The following ATP8B1 variants were observed in gnomAD, a reference collection of about 807,000 sequenced individuals.
ATP8B1 encodes phospholipid-transporting ATPase IC.
In ATP8B1, 80 loss-of-function variants were observed where a neutral mutation model predicts 149.9. The ratio of observed to expected loss-of-function variants is 0.53; its 90% CI spans 0.45 to 0.64. The LOEUF is 0.64. Among genes scored for constraint, ATP8B1 ranks in the 30% least tolerant of loss-of-function variants. The pLI is 0.00. For synonymous variants in ATP8B1, 536 were observed against 562.8 expected, an observed-to-expected ratio of 0.95 and a Z score of 0.67; for missense variants, 1,247 against 1,552.6, an observed-to-expected ratio of 0.80 and a Z score of 3.31.
At chr18:57,697,499 AGCAGGTG>A (rs1350553096) in intron 8 of ATP8B1, 112 bp downstream of exon 8, 2 of 1,011,768 alleles carry the variant, frequency 2.0e-6, no homozygotes, top group Admixed American at 3.4e-5. Flanking sequence ...TAGGGACAGC[AGCAGGTG>A]GCAGAGGCAA....
At chr18:57,734,316 AG>A (rs1599171382) in intron 1 of ATP8B1, among the ~76,000 whole-genome samples, 1 of 152,070 alleles carries the variant, frequency 6.6e-6, no homozygotes, top group East Asian at 1.9e-4. Context: ...CAGCCTCCTG[AG>A]TAGCTGGGAT....
chr18:57,729,158 T>A (rs1405606197), intron 2 of ATP8B1, among the ~76,000 whole-genome samples: 4 of 152,128 alleles, frequency 2.6e-5, no homozygotes, highest in Non-Finnish European at 4.4e-5. Context: ...GATGAGAGTT[T>A]CCACCCACTA....
At chr18:57,657,452 A>G (rs1057399558) in intron 22 of ATP8B1, among the ~76,000 whole-genome samples, 120 of 152,206 alleles carry the variant, frequency 7.9e-4, no homozygotes, top group African/African-American at 2.8e-3. Context: ...TCAGACCCTG[A>G]AAAGTGGCTG....
intron 1 of ATP8B1, among the ~76,000 whole-genome samples, chr18:57,768,531 A>G (rs899263216): frequency 6.6e-6 from 1 of 150,786 alleles, no homozygotes; most frequent in Non-Finnish European, 1.5e-5. Context: ...GAATTGAGGG[A>G]GGAAAACATA....
At chr18:57,768,948 G>C (rs772053125) in intron 1 of ATP8B1, among the ~76,000 whole-genome samples, 1 of 152,150 alleles carries the variant, frequency 6.6e-6, no homozygotes, top group Non-Finnish European at 1.5e-5. Context: ...TGCTCCACAA[G>C]GACTTTACCA....
chr18:57,738,573 CGCGCCA>C (rs1055989689), intron 1 of ATP8B1, among the ~76,000 whole-genome samples: 1 of 151,992 alleles, frequency 6.6e-6, no homozygotes, highest in Admixed American at 6.6e-5. Flanking sequence ...GAGCTGAGAT[CGCGCCA>C]TTGCACTCCA....
intron 1 of ATP8B1, chr18:57,737,109 T>C (rs425338): frequency 0.98 from 148,576 of 152,178 alleles, 72,623 homozygotes; most frequent in East Asian, 1. Flanking sequence ...CCACTACATC[T>C]GACTAATTTT....
intron 24 of ATP8B1, among the ~76,000 whole-genome samples, chr18:57,653,118 T>A (rs1176933892): frequency 6.6e-6 from 1 of 152,202 alleles, no homozygotes. Context: ...AAATTATTAC[T>A]TTTTAGTCTT....
intron 2 of ATP8B1, among the ~76,000 whole-genome samples, chr18:57,719,936 C>T (rs2079625431): frequency 1.3e-5 from 2 of 152,174 alleles, no homozygotes; most frequent in Admixed American, 1.3e-4. Context: ...GGGTCCCTGA[C>T]CCCTGACCCC....
chr18:57,745,337 T>C (rs2079954757), intron 1 of ATP8B1, among the ~76,000 whole-genome samples: 1 of 152,104 alleles, frequency 6.6e-6, no homozygotes, highest in Non-Finnish European at 1.5e-5. Flanking sequence ...AGTGGGGAGA[T>C]CTCGGCTCAC....
At chr18:57,718,845 C>G (rs187485488) in intron 2 of ATP8B1, among the ~76,000 whole-genome samples, 48 of 152,212 alleles carry the variant, frequency 3.2e-4, no homozygotes, top group African/African-American at 9.1e-4. Flanking sequence ...AAAAAATCCT[C>G]AAAAAACTGG....
chr18:57,731,917 CT>C, intron 1 of ATP8B1, 85 bp from the exon 2 acceptor site: 2 of 1,198,930 alleles, frequency 1.7e-6, no homozygotes, highest in Non-Finnish European at 1.2e-6. Flanking sequence ...TACAATGCCC[CT>C]TTTACAGAAC....
At chr18:57,791,346 C>CTTTTTTTTTTTTTTTTTTTTTTTT (rs1473257768) in intron 1 of ATP8B1, among the ~76,000 whole-genome samples, 1 of 124,970 alleles carries the variant, frequency 8.0e-6, no homozygotes, top group African/African-American at 3.4e-5. Flanking sequence ...TTTTTCTTTT[C>CTTTTTTTTTTTTTTTTTTTTTTTT]TTTTCTTTTT....
At chr18:57,708,063 C>A (rs1205775289) in intron 2 of ATP8B1, among the ~76,000 whole-genome samples, 2 of 147,104 alleles carry the variant, frequency 1.4e-5, no homozygotes, top group African/African-American at 5.0e-5. Flanking sequence ...GAGGCTGAGG[C>A]AGGAGAATCT....
At chr18:57,672,543 A>C (rs908260816) in intron 16 of ATP8B1, among the ~76,000 whole-genome samples, 4 of 152,134 alleles carry the variant, frequency 2.6e-5, no homozygotes, top group African/African-American at 9.7e-5. Flanking sequence ...GATCAAAGTT[A>C]ACATCCCCAT....
Position 57,726,955 on chromosome 18 carries a change from C to T in ATP8B1, c.181+4672G>A, listed in dbSNP as rs536321667. On this transcript the variant is annotated intron_variant, in intron 2 of 27. Coordinates refer to ENST00000648908, the MANE Select transcript of ATP8B1 (RefSeq NM_001374385.1). ...ATTAGCTGGGCGTGATGGCGGGCGC[C>T]GGTAATCCCAGCTACTCGGGAGGCT... Among the ~76,000 whole-genome samples, 15 of 152,264 alleles carry T rather than the reference C, an allele frequency of 9.9e-5. No homozygotes were observed. In the East Asian group the frequency reaches 1.2e-3, roughly 12 times the overall value.
intron 20 of ATP8B1, among the ~76,000 whole-genome samples, chr18:57,666,597 G>A (rs901395310): frequency 2.7e-5 from 4 of 150,112 alleles, no homozygotes; most frequent in African/African-American, 9.9e-5. Flanking sequence ...GTACAGTGGC[G>A]TGATCTTGGC....
In ATP8B1 at chr18:57,706,479, T is replaced by C. The variant is rs984357605; in HGVS notation, c.279+11A>G. 2 of 1,608,672 alleles carry C rather than the reference T, an allele frequency of 1.2e-6. No homozygotes were observed. Among genetic ancestry groups the C allele is most frequent in the African/African-American group, 2.7e-5 (2 of 74,944 alleles). On this transcript the variant is annotated intron_variant, in intron 3 of 27. Transcript: ENST00000648908. Reference sequence around the variant, plus strand: ...TTTTAATGAAAACAATTCAGAAAGTTAACAACTCACCGCATATTTACTCTC... The same window carrying C: ...TTTTAATGAAAACAATTCAGAAAGTCAACAACTCACCGCATATTTACTCTC...
At chr18:57,789,819 T>C (rs1441317965) in intron 1 of ATP8B1, among the ~76,000 whole-genome samples, 2 of 152,164 alleles carry the variant, frequency 1.3e-5, no homozygotes, top group Non-Finnish European at 2.9e-5. Flanking sequence ...TTATTTTACA[T>C]AAATTAGTGC....
Sources: gnomAD v4.1 joint callset for allele counts (sites outside exome capture counted in the v4.1 genomes callset) on GRCh38, gnomAD v4.1.1 for gene constraint, MANE v1.5 for transcripts, NCBI Gene and HGNC (gene_info 2026-07-23, HGNC 2026-07-21) for gene names.